Variants in TRAPPC8 observed in about 807,000 individuals in gnomAD.
TRAPPC8 encodes general sporulation gene 1 homolog.
A neutral mutation model predicts 174.3 loss-of-function variants in TRAPPC8; 54 were observed. That is an observed-to-expected ratio of 0.31 (90% CI 0.25 to 0.39). The LOEUF (loss-of-function observed/expected upper bound fraction) is 0.39. TRAPPC8 is among the 10% of genes least tolerant of loss of function. The pLI is 1.00. For missense variants in TRAPPC8, 1,531 were observed against 1,699.1 expected (o/e 0.90, Z 1.74); for synonymous variants, 630 against 579.9 (o/e 1.09, Z -1.24).
chr18:31,871,970 A>C (rs1433175969), intron 14 of TRAPPC8, among the ~76,000 whole-genome samples: 1 of 152,118 alleles, frequency 6.6e-6, no homozygotes. Context: ...AAATATATGC[A>C]TTTATATAAA....
intron 12 of TRAPPC8, 62 bp from the exon 13 acceptor site, chr18:31,874,766 A>C: frequency 1.4e-6 from 2 of 1,381,244 alleles, no homozygotes; most frequent in Non-Finnish European, 2.0e-6. Flanking sequence ...AGAAAAAACA[A>C]ATACAAACAC....
chr18:31,890,458 A>G (rs180878369), intron 12 of TRAPPC8, among the ~76,000 whole-genome samples: 34 of 152,324 alleles, frequency 2.2e-4, no homozygotes, highest in African/African-American at 7.5e-4. Context: ...CCTTTCACAA[A>G]TGTGATTTAG....
Position 31,929,592 on chromosome 18 carries a change from G to T in TRAPPC8, c.352+1737C>A, listed in dbSNP as rs1233529882. ...AGGTGAGAGGATCACCTGAGCCCAG[G>T]GAGGTTGAGGCTACAGTGAACTGTG... On this transcript the variant is annotated intron_variant, in intron 2 of 28. Coordinates refer to ENST00000283351, the MANE Select transcript of TRAPPC8 (RefSeq NM_014939.5). Among the ~76,000 whole-genome samples the T allele has an allele frequency of 2.0e-5, 3 of 152,040 alleles. No individual in the cohort carries two copies. The East Asian group carries it at 5.8e-4, about 29-fold the overall frequency.
rs538654262 is a variant in TRAPPC8, at chr18:31,925,412, A to G, written c.352+5917T>C. Among the ~76,000 whole-genome samples, 22 of 152,256 alleles carry G rather than the reference A, an allele frequency of 1.4e-4. No homozygotes were observed. The South Asian group carries it at 3.9e-3, about 27-fold the overall frequency. ...AACCCCAAAAAGACACCAAACATTA[A>G]AACTTCAATAGAAGGATCAGAAGAT... On this transcript the variant is annotated intron_variant, in intron 2 of 28. Coordinates refer to ENST00000283351, the MANE Select transcript of TRAPPC8 (RefSeq NM_014939.5).
At chr18:31,935,959 A>C (rs1255276378) in intron 1 of TRAPPC8, among the ~76,000 whole-genome samples, 1 of 151,254 alleles carries the variant, frequency 6.6e-6, no homozygotes, top group African/African-American at 2.4e-5. Flanking sequence ...CGCCGGTCTC[A>C]AACTCTTGAC....
intron 3 of TRAPPC8, 149 bp from the exon 4 acceptor site, chr18:31,916,595 T>C: frequency 1.8e-5 from 13 of 706,848 alleles, no homozygotes; most frequent in Non-Finnish European, 2.6e-5. Context: ...AGCAGTGGCG[T>C]GATCTCGACT....
intron 16 of TRAPPC8, among the ~76,000 whole-genome samples, chr18:31,868,122 A>G (rs1359939018): frequency 2.0e-5 from 3 of 152,170 alleles, no homozygotes; most frequent in South Asian, 2.1e-4. Flanking sequence ...GAGAGAAGGG[A>G]AAAAGGCCTG....
At chr18:31,832,820 A>G (rs1598573234) in intron 27 of TRAPPC8, among the ~76,000 whole-genome samples, 1 of 152,204 alleles carries the variant, frequency 6.6e-6, no homozygotes, top group Non-Finnish European at 1.5e-5. Context: ...AGAAATGAAT[A>G]TAACATGTAC....
intron 27 of TRAPPC8, among the ~76,000 whole-genome samples, chr18:31,833,866 G>A (rs937392111): frequency 1.3e-5 from 2 of 151,860 alleles, no homozygotes; most frequent in African/African-American, 4.8e-5. Flanking sequence ...GCCGGGCGTG[G>A]TGGCAGGTGC....
At position 31,874,673 on chromosome 18, in the gene TRAPPC8, G is replaced by C; in HGVS notation, c.1760C>G (p.Ala587Gly). 1 of 1,613,842 alleles carries C rather than the reference G, an allele frequency of 6.2e-7. No individual in the cohort carries two copies. Among genetic ancestry groups the C allele is most frequent in the Non-Finnish European group, 8.5e-7 (1 of 1,179,962 alleles). Reference sequence around the variant, plus strand: ...GCCTTTTCCTTTGTAAACTTGCATGGCTTGACAATAACAGCGTAAAGCATG... The same window carrying C: ...GCCTTTTCCTTTGTAAACTTGCATGCCTTGACAATAACAGCGTAAAGCATG... Reference protein sequence around the residue: ...KKHALRCYCQAMQVYKGKGWS... With the variant: ...KKHALRCYCQGMQVYKGKGWS... The change falls in exon 13 of 29, where the codon GCC becomes GGC. Residue 587 changes from alanine to glycine, a missense_variant. Ala to Gly is a moderately conservative substitution (Grantham distance 60). Coordinates refer to ENST00000283351, the MANE Select transcript of TRAPPC8 (RefSeq NM_014939.5).
At chr18:31,934,987 T>A (rs1020939585) in intron 1 of TRAPPC8, among the ~76,000 whole-genome samples, 7 of 146,082 alleles carry the variant, frequency 4.8e-5, no homozygotes, top group Admixed American at 1.4e-4. Flanking sequence ...AATAAATAAA[T>A]AAAATGTATT....
Position 31,830,859 on chromosome 18 carries a change from G to T in TRAPPC8, c.4204C>A (p.Leu1402Ile), listed in dbSNP as rs766529094. ...TTGGCAAATACCCTAGGAGTTCCAA[G>T]GTTATAAACACCTGTATGAACAAAG... is the stretch of plus-strand genomic sequence containing the variant. ...ACFVHTGVYN[L>I]GTPRVFAKLS... The change falls in exon 29 of 29, where the codon CTT becomes ATT. Residue 1402 changes from leucine to isoleucine, a missense_variant. Coordinates refer to ENST00000283351, the MANE Select transcript of TRAPPC8 (RefSeq NM_014939.5). The T allele has an allele frequency of 5.0e-6, 8 of 1,614,148 alleles. No individual in the cohort carries two copies. The Admixed American group carries it at 1.0e-4, about 20-fold the overall frequency.
intron 14 of TRAPPC8, among the ~76,000 whole-genome samples, chr18:31,872,124 C>T (rs2039572233): frequency 1.3e-5 from 2 of 152,078 alleles, no homozygotes; most frequent in South Asian, 4.2e-4. Context: ...CCTTCATTCC[C>T]TACCCTCCCA....
chr18:31,922,416 AC>A (rs1195980512), intron 2 of TRAPPC8, among the ~76,000 whole-genome samples: 2 of 151,416 alleles, frequency 1.3e-5, no homozygotes, highest in East Asian at 3.9e-4. Context: ...AACATAGCAA[AC>A]CCTGTCTCTA....
rs1382448146 is a variant in TRAPPC8, at chr18:31,908,665, TAAAAC to T, written c.1122+84_1122+88del. 9 of 1,351,862 alleles carry T rather than the reference TAAAAC, an allele frequency of 6.7e-6. No homozygotes were observed. In the Admixed American group the frequency reaches 1.5e-4, roughly 23 times the overall value. The allele number at this position is 1,351,862 out of a possible 1,614,324, so 83.7% of individuals were successfully genotyped here. A position where few individuals can be genotyped will look rare whatever the true frequency, so the allele number is the denominator to read the frequency against. On this transcript the variant is annotated intron_variant, in intron 7 of 28. Transcript: ENST00000283351. ...ATATTGGCCTATCTTAAAACGAAAATAAAACAAAACTTCAAATACGTTTAATAATT... is the reference window on the plus strand; with the variant it reads ...ATATTGGCCTATCTTAAAACGAAAATAAAACTTCAAATACGTTTAATAATT...
At chr18:31,895,624 A>T (rs1034075484) in intron 11 of TRAPPC8, 1 of 152,244 alleles carries the variant, frequency 6.6e-6, no homozygotes, top group Non-Finnish European at 1.5e-5. Flanking sequence ...ATAGAATGGC[A>T]TATTGAAATC....
intron 2 of TRAPPC8, among the ~76,000 whole-genome samples, chr18:31,927,477 G>A (rs2037665822): frequency 6.6e-6 from 1 of 152,072 alleles, no homozygotes; most frequent in Non-Finnish European, 1.5e-5. Flanking sequence ...GGCTGGTCTG[G>A]AATTCCTGAC....
At chr18:31,876,428 T>C (rs1171981940) in intron 12 of TRAPPC8, among the ~76,000 whole-genome samples, 1 of 136,522 alleles carries the variant, frequency 7.3e-6, no homozygotes, top group Admixed American at 8.3e-5. Context: ...AGGCGGAGCT[T>C]ACAGTAAGCC....
At chr18:31,889,259 T>C (rs553822004) in intron 12 of TRAPPC8, among the ~76,000 whole-genome samples, 1 of 152,328 alleles carries the variant, frequency 6.6e-6, no homozygotes, top group African/African-American at 2.4e-5. Context: ...TATCTCAACC[T>C]ACCACAAAGG....
Sources: gnomAD v4.1 joint callset for allele counts (sites outside exome capture counted in the v4.1 genomes callset) on GRCh38, gnomAD v4.1.1 for gene constraint, MANE v1.5 for transcripts, NCBI Gene and HGNC (gene_info 2026-07-23, HGNC 2026-07-21) for gene names.